Variants in RAP1GDS1 observed in about 807,000 individuals in gnomAD.
RAP1GDS1 encodes the protein RAP1, GTP-GDP dissociation stimulator 1.
In RAP1GDS1, 35 loss-of-function variants were observed where a neutral mutation model predicts 71.1. The ratio of observed to expected loss-of-function variants is 0.49; its 90% CI spans 0.38 to 0.65. RAP1GDS1 has a LOEUF of 0.65. Among genes scored for constraint, RAP1GDS1 ranks in the 30% least tolerant of loss-of-function variants. RAP1GDS1 has a pLI of 0.00. For missense variants in RAP1GDS1, 663 were observed against 706.1 expected (o/e 0.94, Z 0.69); for synonymous variants, 229 against 243.1 (o/e 0.94, Z 0.54).
chr4:98,331,225 C>T (rs906778234), intron 2 of RAP1GDS1, among the ~76,000 whole-genome samples: 9 of 151,940 alleles, frequency 5.9e-5, no homozygotes, highest in Non-Finnish European at 1.2e-4. Context: ...AGGGAGGTTG[C>T]AGTGAGCCGA....
chr4:98,388,362 C>A (rs1449140890), intron 5 of RAP1GDS1, among the ~76,000 whole-genome samples: 2 of 152,120 alleles, frequency 1.3e-5, no homozygotes, highest in Non-Finnish European at 2.9e-5. Context: ...GTTATCACTT[C>A]TGCTAAGCAC....
intron 5 of RAP1GDS1, among the ~76,000 whole-genome samples, chr4:98,381,659 G>A (rs938299218): frequency 1.3e-5 from 2 of 151,518 alleles, no homozygotes; most frequent in African/African-American, 4.8e-5. Context: ...TATTTACTAT[G>A]TAGAACATCA....
intron 5 of RAP1GDS1, among the ~76,000 whole-genome samples, chr4:98,387,247 A>G (rs568261534): frequency 2.6e-5 from 4 of 152,288 alleles, no homozygotes; most frequent in Non-Finnish European, 4.4e-5. Flanking sequence ...AACATTGTCT[A>G]TAAGGCCTTA....
intron 12 of RAP1GDS1, among the ~76,000 whole-genome samples, chr4:98,430,265 C>A (rs957355485): frequency 6.6e-6 from 1 of 152,148 alleles, no homozygotes; most frequent in African/African-American, 2.4e-5. Flanking sequence ...TTACATATTA[C>A]AACTTTAGGA....
intron 3 of RAP1GDS1, among the ~76,000 whole-genome samples, chr4:98,345,640 G>C (rs1736129033): frequency 6.6e-6 from 1 of 152,126 alleles, no homozygotes; most frequent in Non-Finnish European, 1.5e-5. Flanking sequence ...ACTTCTTAAT[G>C]CCAGCTATGA....
Position 98,409,705 on chromosome 4 carries a change from A to G in RAP1GDS1, c.763+5103A>G, listed in dbSNP as rs1004469791. 6.3e-5 allele frequency: 28 copies of G among 445,570 alleles called. 2 individuals carry two copies. Among genetic ancestry groups the G allele is most frequent in the Middle Eastern group, 1.0e-3 (2 of 1,988 alleles). 27.6% of individuals were successfully genotyped at this position (445,570 alleles called of 1,614,324 possible). On this transcript the variant is annotated intron_variant, in intron 7 of 14. Transcript: ENST00000408927. ...TCCACCTAGAGAAGCGCACTTTGTG[A>G]GAACAAACGGAAGGGGCCTGAGCTG...
chr4:98,339,894 T>A (rs902280250), intron 2 of RAP1GDS1, among the ~76,000 whole-genome samples: 5 of 151,830 alleles, frequency 3.3e-5, no homozygotes, highest in Admixed American at 6.6e-5. Context: ...ATTGTGGAAA[T>A]TAGCTTGGCC....
chr4:98,383,414 G>A (rs1742295719), intron 5 of RAP1GDS1, among the ~76,000 whole-genome samples: 1 of 151,448 alleles, frequency 6.6e-6, no homozygotes, highest in South Asian at 2.1e-4. Flanking sequence ...ATACATGTAT[G>A]ATATGTGTAT....
chr4:98,319,680 T>C (rs975972097), intron 2 of RAP1GDS1, among the ~76,000 whole-genome samples: 13 of 150,584 alleles, frequency 8.6e-5, no homozygotes, highest in African/African-American at 2.9e-4. Flanking sequence ...ACTCGGGAGG[T>C]TGAGGCACAG....
At chr4:98,416,492 G>A (rs1033234059) in intron 7 of RAP1GDS1, among the ~76,000 whole-genome samples, 2 of 151,238 alleles carry the variant, frequency 1.3e-5, no homozygotes, top group Non-Finnish European at 3.0e-5. Flanking sequence ...GACTACAGGC[G>A]CCTGCCACTG....
intron 6 of RAP1GDS1, among the ~76,000 whole-genome samples, chr4:98,399,196 G>A (rs908031529): frequency 3.9e-5 from 6 of 152,086 alleles, no homozygotes; most frequent in African/African-American, 1.4e-4. Context: ...CAGAACACAG[G>A]CAACGAAAGC....
intron 2 of RAP1GDS1, among the ~76,000 whole-genome samples, chr4:98,342,429 T>G (rs2110395454): frequency 6.6e-6 from 1 of 152,308 alleles, no homozygotes; most frequent in East Asian, 1.9e-4. Context: ...ATTTTTAACA[T>G]ATTTTAATAG....
chr4:98,385,707 A>C (rs1243612287), intron 5 of RAP1GDS1, among the ~76,000 whole-genome samples: 8 of 151,962 alleles, frequency 5.3e-5, no homozygotes, highest in Non-Finnish European at 1.2e-4. Flanking sequence ...GAATATGCAG[A>C]TGTATCTTGT....
At chr4:98,413,352 C>T (rs1190244845) in intron 7 of RAP1GDS1, among the ~76,000 whole-genome samples, 3 of 151,876 alleles carry the variant, frequency 2.0e-5, no homozygotes, top group African/African-American at 4.8e-5. Context: ...GTATATCTCC[C>T]AATGCTATCC....
Position 98,443,114 on chromosome 4 carries a change from G to T in RAP1GDS1, c.*997G>T, listed in dbSNP as rs1752094072. ...CCTTTTAAATCTTATGTTAGAACTA[G>T]CAGGACGTAGGTGGAAAGATGAAGA... On this transcript the variant is annotated 3_prime_UTR_variant, in exon 15 of 15. Coordinates refer to ENST00000408927, the MANE Select transcript of RAP1GDS1 (RefSeq NM_001100427.2). The T allele has an allele frequency of 4.6e-6, 1 of 215,256 alleles. No homozygotes were observed. The highest frequency in any genetic ancestry group is 6.2e-5 in the Admixed American group (1 of 16,018). The allele number at this position is 215,256 out of a possible 1,614,324, so 13.3% of individuals were successfully genotyped here. A position where few individuals can be genotyped will look rare whatever the true frequency, so the allele number is the denominator to read the frequency against.
At chr4:98,413,878 C>A (rs1747484360) in intron 7 of RAP1GDS1, among the ~76,000 whole-genome samples, 1 of 151,286 alleles carries the variant, frequency 6.6e-6, no homozygotes, top group South Asian at 2.1e-4. Context: ...CTCTCCAGCA[C>A]CTGTTGTTTC....
At chr4:98,370,763 G>T (rs1740257463) in intron 4 of RAP1GDS1, among the ~76,000 whole-genome samples, 3 of 152,006 alleles carry the variant, frequency 2.0e-5, no homozygotes, top group Non-Finnish European at 4.4e-5. Context: ...TAGAGATGGG[G>T]TTTTGCCATG....
chr4:98,403,029 AT>A (rs1745656061), intron 6 of RAP1GDS1, among the ~76,000 whole-genome samples: 1 of 152,160 alleles, frequency 6.6e-6, no homozygotes, highest in African/African-American at 2.4e-5. Flanking sequence ...GGGAAAGAGC[AT>A]TTTCAGACAA....
intron 2 of RAP1GDS1, among the ~76,000 whole-genome samples, chr4:98,314,602 C>T (rs1730686313): frequency 6.7e-6 from 1 of 149,808 alleles, no homozygotes; most frequent in South Asian, 2.1e-4. Context: ...TGTTATAACT[C>T]TGTAAGAGGA....
Sources: allele counts gnomAD v4.1 joint callset (sites outside exome capture counted in the v4.1 genomes callset), GRCh38; gene constraint gnomAD v4.1.1; transcripts MANE v1.5; gene names NCBI Gene and HGNC (gene_info 2026-07-23, HGNC 2026-07-21).